Variants in CNTN3 observed in about 807,000 individuals in gnomAD.
CNTN3 encodes the protein contactin 3.
CNTN3 carries 60 observed loss-of-function variants against 119.1 expected under a neutral mutation model. That is an observed-to-expected ratio of 0.50 (90% CI 0.41 to 0.62). CNTN3 has a LOEUF of 0.62. CNTN3 is among the 20% of genes least tolerant of loss of function. CNTN3 has a pLI of 0.00. For synonymous variants in CNTN3, 450 were observed against 438.7 expected (o/e 1.03, Z -0.32); for missense variants, 1,101 against 1,242.4 (o/e 0.89, Z 1.71).
intron 1 of CNTN3, among the ~76,000 whole-genome samples, chr3:74,602,298 A>G (rs1704924412): frequency 6.8e-6 from 1 of 146,222 alleles, no homozygotes; most frequent in East Asian, 2.0e-4. Context: ...CTGGTCTCAA[A>G]AAAAAAAAAA....
At chr3:74,438,734 G>C (rs1489700107) in intron 4 of CNTN3, among the ~76,000 whole-genome samples, 1 of 152,076 alleles carries the variant, frequency 6.6e-6, no homozygotes, top group East Asian at 1.9e-4. Flanking sequence ...TCTGTGTTTG[G>C]CTAAATATAT....
intron 4 of CNTN3, among the ~76,000 whole-genome samples, chr3:74,436,965 C>T (rs1162031144): frequency 6.6e-6 from 1 of 152,176 alleles, no homozygotes; most frequent in Non-Finnish European, 1.5e-5. Context: ...AAACAAAAAA[C>T]ACACACAGTT....
At chr3:74,587,606 T>C (rs1197410414) in intron 1 of CNTN3, among the ~76,000 whole-genome samples, 1 of 152,050 alleles carries the variant, frequency 6.6e-6, no homozygotes, top group Non-Finnish European at 1.5e-5. Flanking sequence ...GTTGTACTGA[T>C]ACATGAGCAA....
At chr3:74,528,774 A>C (rs1703655371) in intron 1 of CNTN3, among the ~76,000 whole-genome samples, 1 of 151,934 alleles carries the variant, frequency 6.6e-6, no homozygotes, top group Non-Finnish European at 1.5e-5. Context: ...TATAACCGGC[A>C]ATTGAAAGTT....
At chr3:74,595,540 C>T (rs113301982) in intron 1 of CNTN3, among the ~76,000 whole-genome samples, 9,889 of 151,966 alleles carry the variant, frequency 0.065, 357 homozygotes, top group South Asian at 0.17. Flanking sequence ...TCAATATATG[C>T]GAATCAATAA....
intron 11 of CNTN3, among the ~76,000 whole-genome samples, chr3:74,339,634 G>A (rs1300106024): frequency 6.6e-6 from 1 of 152,042 alleles, no homozygotes; most frequent in Non-Finnish European, 1.5e-5. Flanking sequence ...GCTCTCTGGA[G>A]GAAAGGACAA....
Position 74,361,904 on chromosome 3 carries a change from C to T in CNTN3, c.1350G>A (p.Val450=). The T allele has an allele frequency of 1.2e-6, 2 of 1,612,554 alleles. No homozygotes were observed. Among genetic ancestry groups the T allele is most frequent in the Non-Finnish European group, 1.7e-6 (2 of 1,179,230 alleles). ...LSSWKKGDVS[V]QEHERISLLN... ...CATCAAAATACCTTTCATGCTCCTG[C>T]ACGCTCACATCCCCCTTCTTCCAGG... Residue 450 remains valine (V), a synonymous_variant, in exon 11 of 23, where the codon GTG becomes GTA. Coordinates refer to ENST00000263665, the MANE Select transcript of CNTN3 (RefSeq NM_020872.3).
At chr3:74,441,893 T>G (rs1701972789) in intron 4 of CNTN3, among the ~76,000 whole-genome samples, 1 of 152,166 alleles carries the variant, frequency 6.6e-6, no homozygotes, top group Non-Finnish European at 1.5e-5. Flanking sequence ...TCATAGAAAA[T>G]ATTTCTATAC....
At chr3:74,582,400 C>T (rs1336019800) in intron 1 of CNTN3, among the ~76,000 whole-genome samples, 3 of 42,004 alleles carry the variant, frequency 7.1e-5, no homozygotes, top group South Asian at 9.3e-4. Context: ...AGCGAGACTC[C>T]GTCTAAAAAA....
At chr3:74,561,205 A>T (rs1053071851) in intron 1 of CNTN3, among the ~76,000 whole-genome samples, 5 of 149,716 alleles carry the variant, frequency 3.3e-5, no homozygotes, top group Non-Finnish European at 5.9e-5. Context: ...ATAAAATGAA[A>T]TCTTACTTAA....
chr3:74,455,388 C>T (rs1483331345), intron 4 of CNTN3, among the ~76,000 whole-genome samples: 1 of 151,830 alleles, frequency 6.6e-6, no homozygotes, highest in African/African-American at 2.4e-5. Context: ...ATTGGTTATT[C>T]TAGTTATACA....
rs569264126 is a variant in CNTN3, at chr3:74,456,782, C to T, written c.358+29674G>A. ...GATTTTTCCTTGTTATGACTTAGCT[C>T]AAAACTTTTTTGGCACATGAAAATG... On this transcript the variant is annotated intron_variant, in intron 4 of 22. Transcript: ENST00000263665. Among the ~76,000 whole-genome samples the T allele has an allele frequency of 2.6e-5, 4 of 152,096 alleles. No homozygotes were observed. The East Asian group carries it at 5.8e-4, about 22-fold the overall frequency.
At chr3:74,579,016 T>C (rs1464380027) in intron 1 of CNTN3, among the ~76,000 whole-genome samples, 2 of 151,794 alleles carry the variant, frequency 1.3e-5, no homozygotes, top group Non-Finnish European at 2.9e-5. Context: ...TTTACAGAAA[T>C]ATACTTTAAA....
intron 4 of CNTN3, among the ~76,000 whole-genome samples, chr3:74,437,487 C>T (rs933492755): frequency 2.4e-4 from 36 of 151,808 alleles, no homozygotes; most frequent in Non-Finnish European, 5.2e-4. Flanking sequence ...AAAAAAAACC[C>T]ATGTTTCTGC....
intron 13 of CNTN3, among the ~76,000 whole-genome samples, chr3:74,323,615 A>G (rs1703051024): frequency 6.6e-6 from 1 of 152,226 alleles, no homozygotes; most frequent in Non-Finnish European, 1.5e-5. Context: ...TCACATCTCA[A>G]TAAAGCCATT....
chr3:74,400,186 GA>G (rs1049435409), intron 5 of CNTN3, among the ~76,000 whole-genome samples: 3 of 151,836 alleles, frequency 2.0e-5, no homozygotes, highest in Admixed American at 6.6e-5. Flanking sequence ...TTTACACAAA[GA>G]AAAAAAATCT....
chr3:74,344,301 T>C (rs138438602), intron 11 of CNTN3, among the ~76,000 whole-genome samples: 103 of 152,034 alleles, frequency 6.8e-4, no homozygotes, highest in African/African-American at 2.4e-3. Context: ...TCTTGCAAGA[T>C]AGAATAGTTT....
chr3:74,284,740 C>G (rs1702075886), intron 20 of CNTN3, among the ~76,000 whole-genome samples: 1 of 152,188 alleles, frequency 6.6e-6, no homozygotes, highest in African/African-American at 2.4e-5. Context: ...ATGATTGCAG[C>G]TGGCGAATTT....
chr3:74,270,697 T>C lies in CNTN3; in HGVS notation c.2705-3319A>G, dbSNP rs147730081. On this transcript the variant is annotated intron_variant, in intron 20 of 22. Coordinates refer to ENST00000263665, the MANE Select transcript of CNTN3 (RefSeq NM_020872.3). ...TTCTAGGACTTCTAATTTTACTTTT[T>C]GTATTTGAACCTGTGTGGAAGTGCA... 1.4e-3 allele frequency among the ~76,000 whole-genome samples: 217 copies of C among 152,300 alleles called. 3 individuals are homozygous for C. The highest frequency in any genetic ancestry group is 4.1e-3 in the African/African-American group (172 of 41,570).
Sources: allele counts gnomAD v4.1 joint callset (sites outside exome capture counted in the v4.1 genomes callset), GRCh38; gene constraint gnomAD v4.1.1; transcripts MANE v1.5; gene names NCBI Gene and HGNC (gene_info 2026-07-23, HGNC 2026-07-21).